CTTNBP2: variants seen among roughly 807,000 people sequenced by gnomAD.
The protein encoded by CTTNBP2 is cortactin-binding protein 2.
In CTTNBP2, 108 loss-of-function variants were observed where a neutral mutation model predicts 156.9. The observed-to-expected ratio is 0.69, with a 90% CI of 0.59 to 0.81. The LOEUF (loss-of-function observed/expected upper bound fraction) is 0.81, where lower values mean the gene tolerates loss of function less well. Among genes scored for constraint, CTTNBP2 ranks in the 30% least tolerant of loss-of-function variants. The pLI is 0.00. For missense variants in CTTNBP2, 1,924 were observed against 2,035.4 expected (o/e 0.95, Z 1.05); for synonymous variants, 767 against 751.8 (o/e 1.02, Z -0.33).
At chr7:117,821,577 T>C (rs1449682398) in intron 2 of CTTNBP2, among the ~76,000 whole-genome samples, 5 of 151,884 alleles carry the variant, frequency 3.3e-5, no homozygotes, top group Non-Finnish European at 7.4e-5. Context: ...TTTGCTAATA[T>C]TCTGTTTAGG....
chr7:117,846,353 T>C (rs1399138190), intron 2 of CTTNBP2, among the ~76,000 whole-genome samples: 1 of 152,198 alleles, frequency 6.6e-6, no homozygotes, highest in Non-Finnish European at 1.5e-5. Flanking sequence ...AACTGTTGTA[T>C]AACTCGTTTA....
intron 3 of CTTNBP2, among the ~76,000 whole-genome samples, chr7:117,810,283 C>A (rs983473625): frequency 2.6e-5 from 4 of 152,096 alleles, no homozygotes; most frequent in African/African-American, 9.7e-5. Context: ...ACATGCATTC[C>A]ATTTTCTTCA....
In CTTNBP2 at chr7:117,792,437, A is replaced by T. The variant is rs1259689463; in HGVS notation, c.759T>A (p.Thr253=). The T allele has an allele frequency of 6.2e-7, 1 of 1,613,930 alleles. No homozygotes were observed. The highest frequency in any genetic ancestry group is 1.3e-5 in the African/African-American group (1 of 74,850). The change falls in exon 4 of 23, where the codon ACT becomes ACA. Residue 253 remains threonine (T), a synonymous_variant. Coordinates refer to ENST00000160373, the MANE Select transcript of CTTNBP2 (RefSeq NM_033427.3). The surrounding 1 kb of genome is among the most constrained non-coding windows in gnomAD (Gnocchi z 4.2). The part of the protein sequence containing the change: ...AKLNREEAHT[T]DLKEEIDKMR... ...TCTTGTCTATCTCCTCTTTGAGGTC[A>T]GTGGTGTGTGCTTCTTCCCGGTTCA...
chr7:117,795,513 C>T (rs984439240), intron 3 of CTTNBP2, among the ~76,000 whole-genome samples: 1 of 152,092 alleles, frequency 6.6e-6, no homozygotes, highest in African/African-American at 2.4e-5. Context: ...AACTAGAGGC[C>T]ATATTAGTGT....
At chr7:117,861,847 C>T (rs1304570383) in intron 1 of CTTNBP2, among the ~76,000 whole-genome samples, 5 of 151,894 alleles carry the variant, frequency 3.3e-5, no homozygotes, top group African/African-American at 7.3e-5. Context: ...GTGGGTTTGT[C>T]GTTGTTGTTG....
chr7:117,845,006 A>C (rs894192392), intron 2 of CTTNBP2, among the ~76,000 whole-genome samples: 1 of 152,222 alleles, frequency 6.6e-6, no homozygotes, highest in Non-Finnish European at 1.5e-5. Flanking sequence ...ATTGCCAAGC[A>C]GCAAAAAGGA....
chr7:117,777,433 G>A (rs1798163746), intron 8 of CTTNBP2, 78 bp downstream of exon 8: 1 of 1,405,652 alleles, frequency 7.1e-7, no homozygotes, highest in East Asian at 2.3e-5. Context: ...CAATTTAAGT[G>A]CACTTAATCT....
intron 3 of CTTNBP2, among the ~76,000 whole-genome samples, chr7:117,809,241 C>T (rs1320563144): frequency 3.3e-5 from 5 of 151,682 alleles, no homozygotes; most frequent in African/African-American, 1.2e-4. Flanking sequence ...TAGAAGTGTT[C>T]TTTTTTTCTC....
chr7:117,735,553 T>TG (rs1184536619), intron 14 of CTTNBP2, 132 bp from the exon 15 acceptor site: 9 of 745,380 alleles, frequency 1.2e-5, no homozygotes, highest in Non-Finnish European at 1.7e-5. Context: ...TTAAATTGCT[T>TG]GGGGAGTGAA....
Position 117,725,106 on chromosome 7 carries a change from G to A in CTTNBP2, c.4207C>T (p.Leu1403Phe), listed in dbSNP as rs200259226. The change falls in exon 18 of 23, where the codon CTC (leucine) becomes TTC (phenylalanine). Residue 1403 changes from leucine to phenylalanine, a missense_variant. Leu to Phe is a conservative substitution (Grantham distance 22). Coordinates refer to ENST00000160373, the MANE Select transcript of CTTNBP2 (RefSeq NM_033427.3). ...QGQQAVVKAALSILLNKAVLH... is the reference protein window; with the variant it reads ...QGQQAVVKAAFSILLNKAVLH... ...ACAGCTTTATTTAGCAAGATGCTGAGAGCAGCTTTGACCACAGCCTGCTGT... is the reference window on the plus strand; with the variant it reads ...ACAGCTTTATTTAGCAAGATGCTGAAAGCAGCTTTGACCACAGCCTGCTGT... 100 of 1,612,962 alleles carry A rather than the reference G, an allele frequency of 6.2e-5. No homozygotes were observed. Among genetic ancestry groups the A allele is most frequent in the Non-Finnish European group, 8.1e-5 (96 of 1,180,024 alleles).
chr7:117,760,390 A>C, intron 10 of CTTNBP2, 45 bp downstream of exon 10: 1 of 1,581,994 alleles, frequency 6.3e-7, no homozygotes, highest in South Asian at 1.1e-5. Flanking sequence ...AAACATAAAT[A>C]AACCCAGAAA....
intron 1 of CTTNBP2, among the ~76,000 whole-genome samples, chr7:117,871,312 A>G (rs1385629429): frequency 6.6e-6 from 1 of 152,232 alleles, no homozygotes; most frequent in Non-Finnish European, 1.5e-5. Context: ...AGTCAAAACT[A>G]TTTGGAGAAC....
intron 2 of CTTNBP2, among the ~76,000 whole-genome samples, chr7:117,823,819 T>C (rs867095570): frequency 6.6e-6 from 1 of 152,120 alleles, no homozygotes; most frequent in Non-Finnish European, 1.5e-5. Flanking sequence ...GTCTCCAGAG[T>C]AGCTGGGACC....
intron 2 of CTTNBP2, among the ~76,000 whole-genome samples, chr7:117,854,055 C>T (rs951259347): frequency 1.3e-5 from 2 of 152,196 alleles, no homozygotes; most frequent in Admixed American, 6.5e-5. Context: ...TACAATGCTA[C>T]TTAAAAATCA....
chr7:117,850,799 C>T (rs1802887939), intron 2 of CTTNBP2, among the ~76,000 whole-genome samples: 1 of 152,194 alleles, frequency 6.6e-6, no homozygotes, highest in Non-Finnish European at 1.5e-5. Context: ...ACACTTATCA[C>T]AAATGCAACT....
chr7:117,760,189 G>A (rs1584956435), intron 10 of CTTNBP2: 2 of 529,802 alleles, frequency 3.8e-6, no homozygotes, highest in East Asian at 6.1e-5. Flanking sequence ...CAATCACAAA[G>A]CCTCATCAAC....
In CTTNBP2 at chr7:117,780,530, T is replaced by A; in HGVS notation, c.2434A>T (p.Thr812Ser). The A allele has an allele frequency of 6.3e-7, 1 of 1,594,874 alleles. No homozygotes were observed. The highest frequency in any genetic ancestry group is 8.6e-7 in the Non-Finnish European group (1 of 1,167,832). The change falls in exon 7 of 23, where the codon ACA (threonine) becomes TCA (serine). Residue 812 changes from threonine to serine, a missense_variant. Coordinates refer to ENST00000160373, the MANE Select transcript of CTTNBP2 (RefSeq NM_033427.3). Reference protein sequence around the residue: ...NINHAADGGQTPLYLACKNGN... With the variant: ...NINHAADGGQSPLYLACKNGN... ...TTTTTACAGGCCAGGTATAGAGGTG[T>A]CTGTCCTCCATCAGCAGCATGATTA...
intron 4 of CTTNBP2, chr7:117,786,456 G>A: frequency 6.9e-6 from 3 of 434,388 alleles, no homozygotes; most frequent in Admixed American, 2.6e-5. Flanking sequence ...CAAAAAACAG[G>A]CCCACAAAAA....
chr7:117,767,098 C>T lies in CTTNBP2; in HGVS notation c.2857G>A (p.Val953Ile). The change falls in exon 9 of 23, where the codon GTT (valine) becomes ATT (isoleucine). Residue 953 changes from valine to isoleucine, a missense_variant. Physicochemically the swap from Val to Ile is conservative, Grantham distance 29. Coordinates refer to ENST00000160373, the MANE Select transcript of CTTNBP2 (RefSeq NM_033427.3). ...AAATGCTTGCAGTCATCAGTGGCAA[C>T]ATCATGCACAGTCCGATTGCACTTG... ...RDKCNRTVHD[V>I]ATDDCKHLLE... 6.2e-7 allele frequency: 1 copy of T among 1,611,272 alleles called. No individual in the cohort carries two copies. The highest frequency in any genetic ancestry group is 8.5e-7 in the Non-Finnish European group (1 of 1,177,388).
Sources: gnomAD v4.1 joint callset for allele counts (sites outside exome capture counted in the v4.1 genomes callset) on GRCh38, gnomAD v4.1.1 for gene constraint, Gnocchi (gnomAD v3.1) non-coding constraint, MANE v1.5 for transcripts, NCBI Gene and HGNC (gene_info 2026-07-23, HGNC 2026-07-21) for gene names.